The following MEF2A variants were observed in gnomAD, a reference collection of about 807,000 sequenced individuals.
MEF2A encodes myocyte-specific enhancer factor 2A.
MEF2A carries 28 observed loss-of-function variants against 55.8 expected under a neutral mutation model. The ratio of observed to expected loss-of-function variants is 0.50; its 90% CI spans 0.37 to 0.69. The LOEUF (loss-of-function observed/expected upper bound fraction) is 0.69, where lower values mean the gene tolerates loss of function less well. Ranked by LOEUF, MEF2A falls within the 30% of genes least tolerant of loss-of-function variation. The pLI, the probability that MEF2A is intolerant of heterozygous loss-of-function variation, is 0.00. For missense variants in MEF2A, 528 were observed against 626.2 expected (o/e 0.84, Z 1.67); for synonymous variants, 239 against 227.1 (o/e 1.05, Z -0.47).
chr15:99,593,381 G>T (rs913383328), intron 1 of MEF2A, among the ~76,000 whole-genome samples: 2 of 152,114 alleles, frequency 1.3e-5, no homozygotes, highest in Non-Finnish European at 1.5e-5. Flanking sequence ...TTTTAAAATT[G>T]TAGTTTTATA....
Position 99,687,639 on chromosome 15 carries a change from A to G in MEF2A, c.671-2602A>G, listed in dbSNP as rs567549374. Among the ~76,000 whole-genome samples the G allele has an allele frequency of 3.9e-5, 6 of 152,302 alleles. No individual in the cohort carries two copies. The South Asian group carries it at 1.2e-3, about 32-fold the overall frequency. The stretch of plus-strand genomic sequence containing the variant: ...GTTCTTCTCTCATTTCAGACTGCTC[A>G]GTAGTTAATCCCACAAAGGCTTTCC... On this transcript the variant is annotated intron_variant, in intron 7 of 11. Transcript: ENST00000557942.
chr15:99,685,720 T>G (rs540546434), intron 7 of MEF2A, among the ~76,000 whole-genome samples: 24 of 152,328 alleles, frequency 1.6e-4, no homozygotes, highest in African/African-American at 5.5e-4. Context: ...TCACCTGTTA[T>G]TTTGTTGAGG....
At chr15:99,595,388 G>A (rs1970807617) in intron 1 of MEF2A, among the ~76,000 whole-genome samples, 1 of 151,610 alleles carries the variant, frequency 6.6e-6, no homozygotes. Context: ...TTCTCATTAA[G>A]GACTTTTCCA....
chr15:99,626,116 A>G (rs904198264), intron 2 of MEF2A, among the ~76,000 whole-genome samples: 8 of 152,150 alleles, frequency 5.3e-5, no homozygotes, highest in African/African-American at 1.7e-4. Context: ...TTAATTACCA[A>G]TTCAATCTCC....
chr15:99,646,319 T>G (rs1355562447), intron 4 of MEF2A, among the ~76,000 whole-genome samples: 1 of 152,164 alleles, frequency 6.6e-6, no homozygotes, highest in Non-Finnish European at 1.5e-5. Context: ...ATTAGAATGA[T>G]CTTCTCAGAA....
chr15:99,641,279 C>T (rs2044874464), intron 3 of MEF2A, among the ~76,000 whole-genome samples: 1 of 152,176 alleles, frequency 6.6e-6, no homozygotes, highest in African/African-American at 2.4e-5. Context: ...CTCCTATCTC[C>T]AGCAGAGCTT....
intron 1 of MEF2A, among the ~76,000 whole-genome samples, chr15:99,584,298 A>C (rs1966753501): frequency 1.3e-5 from 2 of 152,146 alleles, no homozygotes; most frequent in Admixed American, 6.5e-5. Flanking sequence ...TGATACAGAA[A>C]ATCTGAAGAC....
At chr15:99,645,890 A>G in intron 4 of MEF2A, 126 bp downstream of exon 4, 1 of 653,768 alleles carries the variant, frequency 1.5e-6, no homozygotes, top group Non-Finnish European at 2.5e-6. Flanking sequence ...TTTTCTCTAA[A>G]TCATTTCTTA....
At chr15:99,628,603 C>G (rs958296394) in intron 2 of MEF2A, among the ~76,000 whole-genome samples, 5 of 152,244 alleles carry the variant, frequency 3.3e-5, no homozygotes, top group East Asian at 1.9e-4. Flanking sequence ...CCACATGCAT[C>G]CCTGACTTTA....
chr15:99,653,512 A>C (rs1362578730), intron 4 of MEF2A, among the ~76,000 whole-genome samples: 1 of 152,118 alleles, frequency 6.6e-6, no homozygotes, highest in Non-Finnish European at 1.5e-5. Context: ...ATACCTTATA[A>C]TTTTCTAGGT....
At chr15:99,593,486 A>G (rs1173411823) in intron 1 of MEF2A, among the ~76,000 whole-genome samples, 1 of 152,200 alleles carries the variant, frequency 6.6e-6, no homozygotes, top group Non-Finnish European at 1.5e-5. Flanking sequence ...AGGCATGAGG[A>G]GTTGGGTGCC....
At chr15:99,611,973 CAG>C (rs1355816354) in intron 2 of MEF2A, among the ~76,000 whole-genome samples, 1 of 152,082 alleles carries the variant, frequency 6.6e-6, no homozygotes, top group Admixed American at 6.6e-5. Context: ...TCCATAGAGA[CAG>C]AAAGTAGATG....
chr15:99,581,355 T>A (rs1965858141), intron 1 of MEF2A, among the ~76,000 whole-genome samples: 1 of 152,152 alleles, frequency 6.6e-6, no homozygotes, highest in African/African-American at 2.4e-5. Flanking sequence ...TTCAAATGTT[T>A]AGAGGCAGTC....
intron 8 of MEF2A, among the ~76,000 whole-genome samples, chr15:99,701,848 C>T (rs1191096346): frequency 6.6e-6 from 1 of 152,198 alleles, no homozygotes; most frequent in Non-Finnish European, 1.5e-5. Flanking sequence ...CAGAAATAAA[C>T]TCTACAAAAT....
chr15:99,602,656 GTGT>G lies in MEF2A; in HGVS notation c.-143+4146_-143+4148del, dbSNP rs1567203250. Among the ~76,000 whole-genome samples the G allele has an allele frequency of 3.5e-4, 29 of 83,162 alleles. 1 individual carries two copies. Among genetic ancestry groups the G allele is most frequent in the Middle Eastern group, 5.7e-3 (1 of 176 alleles). 54.6% of individuals were successfully genotyped at this position (83,162 alleles called of 152,430 possible). ...GGTGGTTGCCTGACATTCCTGGGGT[GTGT>G]GTGTGTGTGTGTGTGTGTGTGTGTG... On this transcript the variant is annotated intron_variant, in intron 2 of 11. Coordinates refer to ENST00000557942, the MANE Select transcript of MEF2A (RefSeq NM_001319206.4).
intron 7 of MEF2A, among the ~76,000 whole-genome samples, chr15:99,687,602 C>T (rs1185497505): frequency 6.6e-6 from 1 of 152,234 alleles, no homozygotes; most frequent in Non-Finnish European, 1.5e-5. Context: ...TGCCTGCCTT[C>T]TCTTTTCTTC....
chr15:99,701,794 C>G (rs541399568), intron 8 of MEF2A, among the ~76,000 whole-genome samples: 327 of 152,334 alleles, frequency 2.1e-3, no homozygotes, highest in African/African-American at 7.4e-3. Context: ...GGTCCCATAG[C>G]TCACCTTTCA....
At chr15:99,588,283 AT>A (rs953576048) in intron 1 of MEF2A, among the ~76,000 whole-genome samples, 2 of 149,982 alleles carry the variant, frequency 1.3e-5, no homozygotes, top group South Asian at 2.1e-4. Flanking sequence ...CACTCAGCTA[AT>A]TTTTTTTTGT....
At chr15:99,683,349 CAA>C (rs548678148) in intron 7 of MEF2A, among the ~76,000 whole-genome samples, 59 of 152,256 alleles carry the variant, frequency 3.9e-4, no homozygotes, top group East Asian at 1.3e-3. Flanking sequence ...TTGGAGGAAA[CAA>C]GAGGAATTGG....
Sources: allele counts gnomAD v4.1 joint callset (sites outside exome capture counted in the v4.1 genomes callset), GRCh38; gene constraint gnomAD v4.1.1; transcripts MANE v1.5; gene names NCBI Gene and HGNC (gene_info 2026-07-23, HGNC 2026-07-21).